Variants in PSEN1 observed in about 807,000 individuals in gnomAD.
PSEN1 encodes presenilin-1.
Under a neutral mutation model 53.5 loss-of-function variants are expected in PSEN1, and 15 were observed. That is an observed-to-expected ratio of 0.28 (90% confidence interval 0.19 to 0.43). The LOEUF is 0.43. PSEN1 is among the 20% of genes least tolerant of loss of function. The pLI is 1.00. For synonymous variants in PSEN1, 208 were observed against 209.8 expected (o/e 0.99, Z 0.08); for missense variants, 387 against 571.2 (o/e 0.68, Z 3.29).
At chr14:73,186,962 C>T (rs1460120917) in intron 6 of PSEN1, 42 bp downstream of exon 6, 2 of 1,425,084 alleles carry the variant, frequency 1.4e-6, no homozygotes, top group South Asian at 2.3e-5. Context: ...GAATTAACTA[C>T]CTTTGTGCTG....
At chr14:73,143,986 CT>C (rs1896995592) in intron 1 of PSEN1, among the ~76,000 whole-genome samples, 1 of 46,316 alleles carries the variant, frequency 2.2e-5, no homozygotes, top group Non-Finnish European at 3.3e-5. Context: ...GACCTTGTCT[CT>C]TAAAAAAAAA....
At chr14:73,214,941 G>A (rs568460425) in intron 10 of PSEN1, among the ~76,000 whole-genome samples, 1 of 152,148 alleles carries the variant, frequency 6.6e-6, no homozygotes, top group South Asian at 2.1e-4. Flanking sequence ...AACTTGATGG[G>A]TATCTTACCA....
chr14:73,218,279 G>GT (rs1566657313), intron 11 of PSEN1, among the ~76,000 whole-genome samples: 1 of 151,558 alleles, frequency 6.6e-6, no homozygotes, highest in Non-Finnish European at 1.5e-5. Context: ...TGGAGATGAG[G>GT]TTTTGCCACA....
chr14:73,187,661 T>G (rs1342059408), intron 6 of PSEN1, among the ~76,000 whole-genome samples: 1 of 152,126 alleles, frequency 6.6e-6, no homozygotes, highest in African/African-American at 2.4e-5. Context: ...ACTGAAGAAG[T>G]TTCCACCCCA....
chr14:73,189,475 G>A (rs1459649263), intron 6 of PSEN1, among the ~76,000 whole-genome samples: 492 of 149,514 alleles, frequency 3.3e-3, no homozygotes, highest in East Asian at 0.01. Context: ...AGCCGGGCGT[G>A]GTGGTGGGTG....
At chr14:73,156,446 G>T (rs1341229115) in intron 3 of PSEN1, among the ~76,000 whole-genome samples, 1 of 151,790 alleles carries the variant, frequency 6.6e-6, no homozygotes, top group Non-Finnish European at 1.5e-5. Context: ...AAGGCTTCAA[G>T]TTCCTATCTT....
chr14:73,152,646 A>C (rs1249286799), intron 3 of PSEN1, among the ~76,000 whole-genome samples: 1 of 152,022 alleles, frequency 6.6e-6, no homozygotes, highest in East Asian at 1.9e-4. Flanking sequence ...CGGTAGCATG[A>C]GATCTTTGAG....
intron 7 of PSEN1, chr14:73,197,768 C>A: frequency 2.1e-6 from 1 of 465,482 alleles, no homozygotes; most frequent in Non-Finnish European, 3.9e-6. Context: ...ACCCCAGTAA[C>A]GATACACTGT....
At chr14:73,139,032 C>T (rs928275889) in intron 1 of PSEN1, among the ~76,000 whole-genome samples, 20 of 151,864 alleles carry the variant, frequency 1.3e-4, no homozygotes, top group African/African-American at 1.9e-4. Context: ...GCCTGTAAAC[C>T]CAGCACTTTG....
At chr14:73,212,030 T>A in intron 10 of PSEN1, 88 bp downstream of exon 10, 1 of 1,167,274 alleles carries the variant, frequency 8.6e-7, no homozygotes, top group Non-Finnish European at 1.2e-6. Flanking sequence ...GAATTGAGAG[T>A]GTTACAGTCT....
At chr14:73,209,489 TTTCA>T (rs1156969310) in intron 9 of PSEN1, among the ~76,000 whole-genome samples, 1 of 152,204 alleles carries the variant, frequency 6.6e-6, no homozygotes, top group African/African-American at 2.4e-5. Context: ...TACAACAGAA[TTTCA>T]TTCATTTTAC....
At chr14:73,186,722 A>G (rs1898527570) in intron 5 of PSEN1, 131 bp from the exon 6 acceptor site, 4 of 779,212 alleles carry the variant, frequency 5.1e-6, no homozygotes, top group Non-Finnish European at 9.0e-6. Context: ...GGTTGTGGTG[A>G]GCTGAGATCG....
intron 3 of PSEN1, among the ~76,000 whole-genome samples, chr14:73,164,876 GTTCA>G (rs113832178): frequency 2.0e-4 from 31 of 151,482 alleles, no homozygotes; most frequent in African/African-American, 6.3e-4. Context: ...ATATATATAT[GTTCA>G]TTCATAAATT....
chr14:73,202,360 A>G (rs1292564423), intron 8 of PSEN1, among the ~76,000 whole-genome samples: 2 of 136,174 alleles, frequency 1.5e-5, no homozygotes, highest in Admixed American at 1.6e-4. Flanking sequence ...TTAAACATGT[A>G]TGTTAATTTA....
At chr14:73,140,580 A>C (rs1381273560) in intron 1 of PSEN1, among the ~76,000 whole-genome samples, 1 of 151,938 alleles carries the variant, frequency 6.6e-6, no homozygotes, top group African/African-American at 2.4e-5. Flanking sequence ...TTTTAATGTG[A>C]TTTAAAACTA....
At chr14:73,208,509 G>A (rs193025906) in intron 9 of PSEN1, among the ~76,000 whole-genome samples, 108 of 151,538 alleles carry the variant, frequency 7.1e-4, no homozygotes, top group African/African-American at 2.5e-3. Context: ...ACCCGGAATG[G>A]GTATCTCCTA....
intron 10 of PSEN1, among the ~76,000 whole-genome samples, chr14:73,216,523 G>A (rs1285332343): frequency 6.6e-6 from 1 of 152,154 alleles, no homozygotes; most frequent in African/African-American, 2.4e-5. Flanking sequence ...CACTTTGGGA[G>A]GCCAAGGTGG....
At chr14:73,205,068 TTTGA>T (rs1899395754) in intron 8 of PSEN1, among the ~76,000 whole-genome samples, 1 of 152,194 alleles carries the variant, frequency 6.6e-6, no homozygotes, top group Non-Finnish European at 1.5e-5. Flanking sequence ...GTTCAGCTTC[TTTGA>T]TTGTGTGTTT....
chr14:73,191,443 A>G (rs1898711687), intron 6 of PSEN1, among the ~76,000 whole-genome samples: 1 of 152,202 alleles, frequency 6.6e-6, no homozygotes, highest in South Asian at 2.1e-4. Context: ...TTGAAGGTGA[A>G]AGAAAGCACA....
Sources: gnomAD v4.1 joint callset for allele counts (sites outside exome capture counted in the v4.1 genomes callset) on GRCh38, gnomAD v4.1.1 for gene constraint, MANE v1.5 for transcripts, NCBI Gene and HGNC (gene_info 2026-07-23, HGNC 2026-07-21) for gene names.